PARN: variants seen among roughly 807,000 people sequenced by gnomAD.
PARN encodes poly(A)-specific ribonuclease PARN.
In PARN, 71 loss-of-function variants were observed where a neutral mutation model predicts 102.8. The ratio of observed to expected loss-of-function variants is 0.69; its 90% CI spans 0.57 to 0.84. PARN has a LOEUF of 0.84. Among genes scored for constraint, PARN ranks in the 40% least tolerant of loss-of-function variants. The pLI is 0.00. For synonymous variants in PARN, 261 were observed against 252.9 expected (o/e 1.03, Z -0.30); for missense variants, 782 against 760.9 (o/e 1.03, Z -0.33).
chr16:14,437,129 T>A (rs1960740007), intron 23 of PARN, among the ~76,000 whole-genome samples: 2 of 152,238 alleles, frequency 1.3e-5, no homozygotes, highest in Admixed American at 1.3e-4. Flanking sequence ...ATTCATATAA[T>A]CTTCATTAAA....
chr16:14,451,829 A>T, intron 22 of PARN, among the ~76,000 whole-genome samples: 1 of 127,010 alleles, frequency 7.9e-6, no homozygotes, highest in African/African-American at 2.9e-5. Context: ...GGCAATGTGG[A>T]GAAACCCCGT....
intron 5 of PARN, among the ~76,000 whole-genome samples, chr16:14,618,542 T>A (rs1020198742): frequency 6.8e-6 from 1 of 147,832 alleles, no homozygotes; most frequent in Non-Finnish European, 1.5e-5. Context: ...GTACCTGCAA[T>A]CCCAGTTACT....
intron 22 of PARN, among the ~76,000 whole-genome samples, chr16:14,470,455 T>G (rs1050250450): frequency 3.5e-4 from 50 of 141,078 alleles, no homozygotes; most frequent in African/African-American, 6.0e-4. Context: ...TTATTATTAT[T>G]ATTATTATTA....
chr16:14,482,620 A>G lies in PARN; in HGVS notation c.1670+18T>C. 1 of 1,553,400 alleles carries G rather than the reference A, an allele frequency of 6.4e-7. No homozygotes were observed. The highest frequency in any genetic ancestry group is 1.2e-5 in the South Asian group (1 of 81,522). On this transcript the variant is annotated intron_variant, in intron 22 of 23. Coordinates refer to ENST00000437198, the MANE Select transcript of PARN (RefSeq NM_002582.4). Reference sequence around the variant, plus strand: ...GCTAGAACTCTGGCCTTTTAAATTAACAGCTGAGAGCTCTTACCTATTGTT... The same window carrying G: ...GCTAGAACTCTGGCCTTTTAAATTAGCAGCTGAGAGCTCTTACCTATTGTT...
intron 22 of PARN, among the ~76,000 whole-genome samples, chr16:14,467,582 T>G (rs1962437434): frequency 6.6e-6 from 1 of 152,252 alleles, no homozygotes; most frequent in Non-Finnish European, 1.5e-5. Flanking sequence ...GTGTGAATAC[T>G]GATTTCTGCA....
chr16:14,537,495 C>T (rs1966659602), intron 21 of PARN, among the ~76,000 whole-genome samples: 1 of 152,162 alleles, frequency 6.6e-6, no homozygotes, highest in Non-Finnish European at 1.5e-5. Flanking sequence ...ATGTTTACTG[C>T]AGCACTATTC....
At chr16:14,471,047 G>GCT (rs1667466412) in intron 22 of PARN, among the ~76,000 whole-genome samples, 1 of 152,086 alleles carries the variant, frequency 6.6e-6, no homozygotes, top group African/African-American at 2.4e-5. Context: ...CCTCCCAAAG[G>GCT]GCTAGGATTA....
intron 21 of PARN, among the ~76,000 whole-genome samples, chr16:14,508,841 C>T (rs915765014): frequency 6.6e-6 from 1 of 151,318 alleles, no homozygotes; most frequent in East Asian, 1.9e-4. Context: ...GGGAGGATCA[C>T]TTGAGGCCAG....
intron 21 of PARN, among the ~76,000 whole-genome samples, chr16:14,535,243 TGAGGTG>T (rs1438457414): frequency 6.6e-6 from 1 of 152,234 alleles, no homozygotes. Context: ...ACCCCTGGTC[TGAGGTG>T]CTCAGGTCAC....
intron 7 of PARN, 41 bp from the exon 8 acceptor site, chr16:14,609,164 G>T: frequency 1.1e-6 from 1 of 939,482 alleles, no homozygotes; most frequent in Non-Finnish European, 1.6e-6. Flanking sequence ...GTACCTTTAA[G>T]GAATGAAGTC....
At chr16:14,450,749 T>C (rs1354628571) in intron 22 of PARN, among the ~76,000 whole-genome samples, 1 of 152,116 alleles carries the variant, frequency 6.6e-6, no homozygotes, top group Non-Finnish European at 1.5e-5. Context: ...AGATAAATTA[T>C]AAAATGAGTC....
At chr16:14,460,492 T>C (rs1183093811) in intron 22 of PARN, among the ~76,000 whole-genome samples, 1 of 152,190 alleles carries the variant, frequency 6.6e-6, no homozygotes, top group Non-Finnish European at 1.5e-5. Context: ...CTTTGTAAGT[T>C]TGAATCATCT....
intron 18 of PARN, among the ~76,000 whole-genome samples, chr16:14,564,607 G>A (rs1019398395): frequency 1.3e-5 from 2 of 152,152 alleles, no homozygotes; most frequent in Non-Finnish European, 2.9e-5. Flanking sequence ...GGACACAGAG[G>A]TTTAGTTTGC....
At chr16:14,512,582 A>C (rs1213663575) in intron 21 of PARN, among the ~76,000 whole-genome samples, 4 of 152,162 alleles carry the variant, frequency 2.6e-5, no homozygotes, top group Admixed American at 6.5e-5. Context: ...TATGAGGAGG[A>C]GGCTCACTGT....
intron 21 of PARN, among the ~76,000 whole-genome samples, chr16:14,505,160 C>G (rs1176516130): frequency 6.6e-6 from 1 of 152,224 alleles, no homozygotes; most frequent in Non-Finnish European, 1.5e-5. Context: ...TAAGTGAAAT[C>G]TGGCAATCTT....
intron 22 of PARN, among the ~76,000 whole-genome samples, chr16:14,463,838 T>TTG (rs761083037): frequency 8.4e-5 from 8 of 95,088 alleles, no homozygotes; most frequent in Non-Finnish European, 1.3e-4. Flanking sequence ...CTTTTTTTTT[T>TTG]GGGGGGGGGG....
Position 14,520,438 on chromosome 16 carries a change from A to C in PARN, c.1480+31583T>G, listed in dbSNP as rs536404207. Among the ~76,000 whole-genome samples the C allele has an allele frequency of 2.0e-5, 3 of 152,232 alleles. No individual in the cohort carries two copies. The South Asian group carries it at 6.2e-4, about 32-fold the overall frequency. On this transcript the variant is annotated intron_variant, in intron 21 of 23. Transcript: ENST00000437198. The stretch of plus-strand genomic sequence containing the variant: ...ATATTGTACCTATGTTTAAAAAAAT[A>C]ATCTGTGGGCCAGGCATGGTGGCTC...
At chr16:14,445,144 T>C (rs888666948) in intron 23 of PARN, among the ~76,000 whole-genome samples, 2 of 151,726 alleles carry the variant, frequency 1.3e-5, no homozygotes, top group African/African-American at 4.8e-5. Flanking sequence ...AATAGTTAAG[T>C]CAGGGAAAGG....
At chr16:14,466,654 C>T (rs971653950) in intron 22 of PARN, among the ~76,000 whole-genome samples, 4 of 152,184 alleles carry the variant, frequency 2.6e-5, no homozygotes, top group Admixed American at 6.5e-5. Context: ...TACATTTCTT[C>T]AAAAATGTCC....
Sources: gnomAD v4.1 joint callset for allele counts (sites outside exome capture counted in the v4.1 genomes callset) on GRCh38, gnomAD v4.1.1 for gene constraint, MANE v1.5 for transcripts, NCBI Gene and HGNC (gene_info 2026-07-23, HGNC 2026-07-21) for gene names.